The following OPRM1 variants were observed in gnomAD, a reference collection of about 807,000 sequenced individuals.
OPRM1 encodes opioid receptor mu 1, also known as mu-type opioid receptor.
A neutral mutation model predicts 31.8 loss-of-function variants in OPRM1; 27 were observed. The ratio of observed to expected loss-of-function variants is 0.85; its 90% CI spans 0.63 to 1.17. The LOEUF (loss-of-function observed/expected upper bound fraction) is 1.17, where lower values mean the gene tolerates loss of function less well. Ranked by LOEUF, OPRM1 falls within the 50% of genes most tolerant of loss-of-function variation. OPRM1 has a pLI of 0.00. For synonymous variants in OPRM1, 196 were observed against 189.9 expected (o/e 1.03, Z -0.26); for missense variants, 536 against 511.1 (o/e 1.05, Z -0.47).
In OPRM1 at chr6:154,062,083, C is replaced by T. The variant is rs116591982; in HGVS notation, c.290+22249C>T. ...AAAATGTTCCCAGAGTTTGGCTGTA[C>T]TTGTTAAGTTTAGAGTGATTTATAT... On this transcript the variant is annotated intron_variant, in intron 1 of 3. Transcript: ENST00000330432. Among the ~76,000 whole-genome samples, 915 of 152,096 alleles carry T rather than the reference C, an allele frequency of 6.0e-3. 6 individuals carry two copies. The highest frequency in any genetic ancestry group is 0.021 in the African/African-American group (872 of 41,490).
At chr6:154,191,477 C>T (rs934334200) in intron 3 of OPRM1, among the ~76,000 whole-genome samples, 1 of 151,976 alleles carries the variant, frequency 6.6e-6, no homozygotes, top group Admixed American at 6.6e-5. Flanking sequence ...GGTTTGAGAC[C>T]AACCTGGACA....
chr6:154,045,741 C>A (rs1780995228), intron 1 of OPRM1, among the ~76,000 whole-genome samples: 1 of 152,228 alleles, frequency 6.6e-6, no homozygotes, highest in African/African-American at 2.4e-5. Flanking sequence ...TAGGGCTTCT[C>A]TACTGGAGTA....
rs1197070910 is a variant in OPRM1, at chr6:154,163,390, C to T, written c.1164+71918C>T. Among the ~76,000 whole-genome samples, 4 of 152,196 alleles carry T rather than the reference C, an allele frequency of 2.6e-5. 1 individual carries two copies. The South Asian group carries it at 6.2e-4, about 24-fold the overall frequency. ...ATTCCCTTTCCTTTTTCAGATTTTACACAAATTATGTCTTTCAAAGAGGCC... is the reference window on the plus strand; with the variant it reads ...ATTCCCTTTCCTTTTTCAGATTTTATACAAATTATGTCTTTCAAAGAGGCC... On this transcript the variant is annotated intron_variant, in intron 3 of 3. Transcript: ENST00000337049.
At chr6:154,035,863 G>A (rs368097566), upstream of OPRM1, among the ~76,000 whole-genome samples, 42 of 152,156 alleles carry the variant, frequency 2.8e-4, no homozygotes, top group African/African-American at 9.4e-4. Context: ...TTCTTGCTTC[G>A]AATAGAAAGC....
At chr6:154,104,183 C>T (rs1462941350) in intron 3 of OPRM1, among the ~76,000 whole-genome samples, 1 of 152,172 alleles carries the variant, frequency 6.6e-6, no homozygotes, top group Non-Finnish European at 1.5e-5. Context: ...GAGAGAAGCT[C>T]AGTCAGAAAG....
intron 1 of OPRM1, among the ~76,000 whole-genome samples, chr6:154,078,037 T>C (rs1788271573): frequency 6.6e-6 from 1 of 152,218 alleles, no homozygotes; most frequent in Non-Finnish European, 1.5e-5. Context: ...CATGATAATC[T>C]TTCCTCTTTT....
At chr6:154,095,259 C>CCAGCCTGGGCAACAAGAA (rs1793162198) in intron 3 of OPRM1, among the ~76,000 whole-genome samples, 1 of 152,130 alleles carries the variant, frequency 6.6e-6, no homozygotes, top group South Asian at 2.1e-4. Context: ...CCATTGCACT[C>CCAGCCTGGGCAACAAGAA]CAGCCTGGGC....
intron 1 of OPRM1, among the ~76,000 whole-genome samples, chr6:154,033,402 T>A (rs4870265): frequency 0.047 from 7,079 of 152,192 alleles, 318 homozygotes; most frequent in Admixed American, 0.15. Context: ...AGTCCCATGG[T>A]ATTAACACCA....
At chr6:154,170,559 T>G (rs1799791886) in intron 3 of OPRM1, among the ~76,000 whole-genome samples, 1 of 152,212 alleles carries the variant, frequency 6.6e-6, no homozygotes, top group African/African-American at 2.4e-5. Context: ...CAGCACAACC[T>G]CCTTTTTCTC....
At chr6:154,211,111 G>A (rs1189076233) in intron 3 of OPRM1, among the ~76,000 whole-genome samples, 4 of 152,142 alleles carry the variant, frequency 2.6e-5, no homozygotes, top group African/African-American at 9.7e-5. Flanking sequence ...CAGGTGTCAT[G>A]GTTCAGTAGA....
intron 1 of OPRM1, among the ~76,000 whole-genome samples, chr6:154,051,315 G>T (rs1350778069): frequency 6.6e-6 from 1 of 152,162 alleles, no homozygotes; most frequent in African/African-American, 2.4e-5. Context: ...GAATTAGCCT[G>T]CTCCCTCCAA....
At chr6:154,059,888 G>C (rs1257548290) in intron 1 of OPRM1, among the ~76,000 whole-genome samples, 2 of 152,092 alleles carry the variant, frequency 1.3e-5, no homozygotes, top group African/African-American at 4.8e-5. Context: ...AAATTCCCAA[G>C]ATTAAAATTA....
intron 3 of OPRM1, among the ~76,000 whole-genome samples, chr6:154,209,300 T>C (rs1159512996): frequency 6.6e-6 from 1 of 152,216 alleles, no homozygotes; most frequent in Admixed American, 6.5e-5. Context: ...CTTGTATATC[T>C]AAGTCATCGC....
intron 3 of OPRM1, among the ~76,000 whole-genome samples, chr6:154,092,112 A>C (rs956882287): frequency 6.6e-6 from 1 of 152,212 alleles, no homozygotes; most frequent in African/African-American, 2.4e-5. Context: ...TAGATTAAAC[A>C]ATTTTTAACA....
intron 1 of OPRM1, among the ~76,000 whole-genome samples, chr6:154,027,991 G>A (rs1778796086): frequency 6.6e-6 from 1 of 152,118 alleles, no homozygotes; most frequent in African/African-American, 2.4e-5. Context: ...GGTGTCTAAG[G>A]TGCAAGACAA....
chr6:154,074,037 TAA>T (rs1024915343), intron 1 of OPRM1: 4 of 152,152 alleles, frequency 2.6e-5, no homozygotes, highest in Non-Finnish European at 5.9e-5. Flanking sequence ...TTCAGATAGA[TAA>T]AAGAGAGAAT....
chr6:154,045,659 T>A (rs1294074635), intron 1 of OPRM1, among the ~76,000 whole-genome samples: 8 of 152,246 alleles, frequency 5.3e-5, no homozygotes, highest in Admixed American at 5.2e-4. Flanking sequence ...GCCGTTGATA[T>A]GGCAGTCAGT....
At chr6:154,026,737 CTG>C (rs1778717797) in intron 1 of OPRM1, among the ~76,000 whole-genome samples, 1 of 152,146 alleles carries the variant, frequency 6.6e-6, no homozygotes, top group Non-Finnish European at 1.5e-5. Flanking sequence ...TATTAAAAGA[CTG>C]TGATGTATTC....
At chr6:154,193,234 T>C (rs946049766) in intron 3 of OPRM1, among the ~76,000 whole-genome samples, 2 of 152,170 alleles carry the variant, frequency 1.3e-5, no homozygotes, top group African/African-American at 4.8e-5. Flanking sequence ...TGGATGGAAT[T>C]GGAGGCCATT....
Sources: gnomAD v4.1 joint callset for allele counts (sites outside exome capture counted in the v4.1 genomes callset) on GRCh38, gnomAD v4.1.1 for gene constraint, MANE v1.5 for transcripts, NCBI Gene and HGNC (gene_info 2026-07-23, HGNC 2026-07-21) for gene names.